Variants in MCUB observed in about 807,000 individuals in gnomAD.
MCUB encodes mitochondrial calcium uniporter dominant negative subunit beta.
Under a neutral mutation model 41.4 loss-of-function variants are expected in MCUB, and 46 were observed. That is an observed-to-expected ratio of 1.11 (90% CI 0.88 to 1.42). The LOEUF (loss-of-function observed/expected upper bound fraction) is 1.42, where lower values mean the gene tolerates loss of function less well. MCUB is among the 40% of genes most tolerant of loss of function. The pLI is 0.00. For synonymous variants in MCUB, 148 were observed against 148.2 expected (o/e 1.00, Z 0.01); for missense variants, 403 against 404.9 (o/e 1.00, Z 0.04).
At chr4:109,635,156 T>C (rs1178421718) in intron 1 of MCUB, among the ~76,000 whole-genome samples, 1 of 152,210 alleles carries the variant, frequency 6.6e-6, no homozygotes, top group African/African-American at 2.4e-5. Flanking sequence ...TGCTGCATAG[T>C]ATTTCATGGT....
At position 109,597,311 on chromosome 4, in the gene MCUB, G is replaced by A. The variant is rs1429958022; in HGVS notation, c.99+36875G>A. On this transcript the variant is annotated intron_variant, in intron 1 of 7. Coordinates refer to ENST00000394650, the MANE Select transcript of MCUB (RefSeq NM_017918.5). ...TCCTCACTTCCCAGTAGGGGCGGCC[G>A]GGCAGAGGTGCCCCTCACCTCCCAG... Among the ~76,000 whole-genome samples the A allele has an allele frequency of 8.0e-5, 12 of 150,538 alleles. No homozygotes were observed. In the South Asian group the frequency reaches 1.1e-3, roughly 13 times the overall value.
At position 109,669,998 on chromosome 4, in the gene MCUB, G is replaced by A. The variant is rs188174039; in HGVS notation, c.451+5604G>A. 4.0e-3 allele frequency among the ~76,000 whole-genome samples: 603 copies of A among 152,274 alleles called. 4 individuals carry two copies. The highest frequency in any genetic ancestry group is 0.013 in the African/African-American group (539 of 41,542). ...AAGTTGCTAGTCCGATAATTCCAAT[G>A]TTCCTGCCATGTCTGGCTCTCGTTC... On this transcript the variant is annotated intron_variant, in intron 4 of 7. Transcript: ENST00000394650.
intron 1 of MCUB, among the ~76,000 whole-genome samples, chr4:109,648,147 G>C (rs1310443026): frequency 3.9e-5 from 6 of 152,184 alleles, no homozygotes; most frequent in African/African-American, 1.4e-4. Flanking sequence ...CAGGAAGATT[G>C]TCTAACATCT....
chr4:109,662,878 C>T (rs10488885), intron 3 of MCUB, among the ~76,000 whole-genome samples: 2,568 of 151,890 alleles, frequency 0.017, 32 homozygotes, highest in Non-Finnish European at 0.025. Context: ...TTAATTTGGG[C>T]TTGAAAAGAG....
intron 4 of MCUB, among the ~76,000 whole-genome samples, chr4:109,669,247 A>G (rs1303366719): frequency 1.3e-5 from 2 of 152,094 alleles, no homozygotes; most frequent in African/African-American, 4.8e-5. Flanking sequence ...TTGTTTGAAA[A>G]TATCTTTGTT....
At chr4:109,626,835 A>G (rs972654687) in intron 1 of MCUB, among the ~76,000 whole-genome samples, 12 of 151,560 alleles carry the variant, frequency 7.9e-5, no homozygotes, top group Admixed American at 7.2e-4. Context: ...AAAAAAAAAA[A>G]AAAAAAAAAA....
chr4:109,671,450 A>G lies in MCUB; in HGVS notation c.451+7056A>G, dbSNP rs536834040. Among the ~76,000 whole-genome samples the G allele has an allele frequency of 2.6e-5, 4 of 152,112 alleles. No homozygotes were observed. The South Asian group carries it at 6.2e-4, about 24-fold the overall frequency. On this transcript the variant is annotated intron_variant, in intron 4 of 7. Coordinates refer to ENST00000394650, the MANE Select transcript of MCUB (RefSeq NM_017918.5). Reference sequence around the variant, plus strand: ...TTCTCTTTGACCTTCAGTTTGAGAAAGTTTCTGTTGGCATACCCCCAAGCT... The same window carrying G: ...TTCTCTTTGACCTTCAGTTTGAGAAGGTTTCTGTTGGCATACCCCCAAGCT...
rs1324570319 is a variant in MCUB at position 109,560,383 on chromosome 4, A to G, written c.46A>G (p.Thr16Ala). The G allele has an allele frequency of 3.8e-6, 5 of 1,324,954 alleles. No homozygotes were observed. The highest frequency in any genetic ancestry group is 2.9e-6 in the Non-Finnish European group (3 of 1,037,810). The allele number at this position is 1,324,954 out of a possible 1,614,324, so 82.1% of individuals were successfully genotyped here. A position where few individuals can be genotyped will look rare whatever the true frequency, so the allele number is the denominator to read the frequency against. ...LWPWRTRLLPTPGTWRPARPW... is the reference protein window; with the variant it reads ...LWPWRTRLLPAPGTWRPARPW... ...GCCGTGGCGCACGCGGCTGCTGCCGACCCCTGGCACCTGGCGCCCAGCGCG... is the reference window on the plus strand; with the variant it reads ...GCCGTGGCGCACGCGGCTGCTGCCGGCCCCTGGCACCTGGCGCCCAGCGCG... Residue 16 changes from threonine (T) to alanine (A), a missense_variant, in exon 1 of 8, where the codon ACC (threonine) becomes GCC (alanine). By Grantham distance (58) the Thr-to-Ala change is moderately conservative. Coordinates refer to ENST00000394650, the MANE Select transcript of MCUB (RefSeq NM_017918.5).
intron 1 of MCUB, among the ~76,000 whole-genome samples, chr4:109,642,140 T>G (rs1205594759): frequency 6.6e-6 from 1 of 152,224 alleles, no homozygotes; most frequent in Non-Finnish European, 1.5e-5. Context: ...AGATCTTTAG[T>G]GGTGATAAGA....
At chr4:109,622,162 A>T (rs1388336370) in intron 1 of MCUB, among the ~76,000 whole-genome samples, 1 of 152,202 alleles carries the variant, frequency 6.6e-6, no homozygotes, top group Admixed American at 6.5e-5. Flanking sequence ...GATTACAGGC[A>T]TGAGCCACTG....
intron 3 of MCUB, among the ~76,000 whole-genome samples, chr4:109,663,285 CA>C (rs1478608665): frequency 6.6e-6 from 1 of 152,190 alleles, no homozygotes; most frequent in African/African-American, 2.4e-5. Flanking sequence ...TACCCAGCAC[CA>C]ATTTTTTGCT....
At chr4:109,603,401 A>T (rs985839658) in intron 1 of MCUB, among the ~76,000 whole-genome samples, 1 of 152,158 alleles carries the variant, frequency 6.6e-6, no homozygotes, top group Non-Finnish European at 1.5e-5. Context: ...TCAGTGCTCA[A>T]TGTTGCCCAG....
At chr4:109,575,272 G>T (rs530353263) in intron 1 of MCUB, among the ~76,000 whole-genome samples, 4 of 152,206 alleles carry the variant, frequency 2.6e-5, no homozygotes, top group Non-Finnish European at 5.9e-5. Flanking sequence ...CCAAGGAAAA[G>T]CTTTGGCTTA....
At chr4:109,584,864 T>C (rs916520414) in intron 1 of MCUB, among the ~76,000 whole-genome samples, 11 of 152,316 alleles carry the variant, frequency 7.2e-5, no homozygotes, top group East Asian at 5.8e-4. Context: ...AGGAGTGCTT[T>C]ACTTCCAACT....
At chr4:109,587,468 A>G (rs1196273113) in intron 1 of MCUB, among the ~76,000 whole-genome samples, 2 of 152,186 alleles carry the variant, frequency 1.3e-5, no homozygotes, top group Non-Finnish European at 2.9e-5. Context: ...GGCTGTACCC[A>G]CTGTCCAACC....
chr4:109,638,429 AC>A (rs1317113102), intron 1 of MCUB, among the ~76,000 whole-genome samples: 1 of 148,190 alleles, frequency 6.7e-6, no homozygotes, highest in Non-Finnish European at 1.5e-5. Context: ...AAAAAAAAAA[AC>A]CATACATTAA....
chr4:109,604,875 C>T (rs892581711), intron 1 of MCUB, among the ~76,000 whole-genome samples: 2 of 152,128 alleles, frequency 1.3e-5, no homozygotes, highest in African/African-American at 4.8e-5. Flanking sequence ...AAAAACCCAC[C>T]TGGTCATGGT....
Position 109,618,983 on chromosome 4 carries a change from T to TCTCTCTAC in MCUB, c.100-40025_100-40018dup, listed in dbSNP as rs1405506769. Among the ~76,000 whole-genome samples the TCTCTCTAC allele has an allele frequency of 1.8e-4, 27 of 148,828 alleles. No individual in the cohort carries two copies. In the East Asian group the frequency reaches 4.7e-3, roughly 26 times the overall value. ...CTCTCTCTCTCTCTCTCTCTCTCTCTCTCTCTACCTACCAACCTACCTACC... is the reference window on the plus strand; with the variant it reads ...CTCTCTCTCTCTCTCTCTCTCTCTCTCTCTCTACCTCTCTACCTACCAACCTACCTACC... On this transcript the variant is annotated intron_variant, in intron 1 of 7. Coordinates refer to ENST00000394650, the MANE Select transcript of MCUB (RefSeq NM_017918.5).
chr4:109,637,429 G>A (rs774206674), intron 1 of MCUB, among the ~76,000 whole-genome samples: 6 of 152,230 alleles, frequency 3.9e-5, no homozygotes, highest in East Asian at 1.9e-4. Flanking sequence ...GTCATTATAC[G>A]AAAAAGATAC....
Sources: allele counts gnomAD v4.1 joint callset (sites outside exome capture counted in the v4.1 genomes callset), GRCh38; gene constraint gnomAD v4.1.1; transcripts MANE v1.5; gene names NCBI Gene and HGNC (gene_info 2026-07-23, HGNC 2026-07-21).